Variants in BRD4 observed in about 807,000 individuals in gnomAD.
BRD4 encodes the protein bromodomain-containing protein 4.
In BRD4, 16 loss-of-function variants were observed where a neutral mutation model predicts 142.1. That is an observed-to-expected ratio of 0.11 (90% CI 0.08 to 0.17). The LOEUF is 0.17. BRD4 is among the 10% of genes least tolerant of loss of function. The pLI, the probability that BRD4 is intolerant of heterozygous loss-of-function variation, is 1.00. For synonymous variants in BRD4, 833 were observed against 707.5 expected, an observed-to-expected ratio of 1.18 and a Z score of -2.82; for missense variants, 1,424 against 1,810.9, an observed-to-expected ratio of 0.79 and a Z score of 3.88.
At chr19:15,258,520 C>A (rs2047436573) in intron 7 of BRD4, among the ~76,000 whole-genome samples, 1 of 151,868 alleles carries the variant, frequency 6.6e-6, no homozygotes, top group Admixed American at 6.6e-5. Flanking sequence ...CTGACCTCAA[C>A]AGATCCACTT....
chr19:15,326,987 A>C (rs2048113657), intron 1 of BRD4, among the ~76,000 whole-genome samples: 1 of 152,222 alleles, frequency 6.6e-6, no homozygotes, highest in South Asian at 2.1e-4. Flanking sequence ...TTCTGTAACC[A>C]TGCACAATGT....
At position 15,239,026 on chromosome 19, in the gene BRD4, G is replaced by C. The variant is rs746206112; in HGVS notation, c.3782+33C>G. 1 of 1,579,148 alleles carries C rather than the reference G, an allele frequency of 6.3e-7. No homozygotes were observed. Among genetic ancestry groups the C allele is most frequent in the Non-Finnish European group, 8.6e-7 (1 of 1,166,004 alleles). On this transcript the variant is annotated intron_variant, in intron 18 of 19. Transcript: ENST00000679869. This position sits in a 1 kb window ranked among gnomAD's most constrained non-coding sequence, Gnocchi z 7.4. The stretch of plus-strand genomic sequence containing the variant: ...AGCCTGGGGACTGGTGTGGCCCCAA[G>C]AGTCCCCATGCCCCACCCAGACACC...
In BRD4 at chr19:15,236,973, C is replaced by G. The variant is rs2047196555; in HGVS notation, c.*1404G>C. 1.0e-5 allele frequency: 2 copies of G among 199,790 alleles called. No individual in the cohort carries two copies. The highest frequency in any genetic ancestry group is 2.0e-5 in the Non-Finnish European group (2 of 98,882). The allele number at this position is 199,790 out of a possible 1,614,324, so 12.4% of individuals were successfully genotyped here. On this transcript the variant is annotated 3_prime_UTR_variant, in exon 20 of 20. Coordinates refer to ENST00000679869, the MANE Select transcript of BRD4 (RefSeq NM_001379291.1). ...CCAGCGTCGTGGTGTAGAGTGGGTT[C>G]TCATGGCACGCGTAACCTCACCAGG... is the stretch of plus-strand genomic sequence containing the variant.
In BRD4 at chr19:15,235,588, G is replaced by A. The variant is rs1025213811; in HGVS notation, c.*2789C>T. ...GCACAAAAAAAAAAAAAAACCTTTC[G>A]TATGTAAGTGAAAAGTCTACGAATT... On this transcript the variant is annotated 3_prime_UTR_variant, in exon 20 of 20. Coordinates refer to ENST00000679869, the MANE Select transcript of BRD4 (RefSeq NM_001379291.1). 6.6e-5 allele frequency: 10 copies of A among 150,570 alleles called. No individual in the cohort carries two copies. Among genetic ancestry groups the A allele is most frequent in the South Asian group, 2.1e-4 (1 of 4,778 alleles). 9.3% of individuals were successfully genotyped at this position (150,570 alleles called of 1,614,324 possible).
In BRD4 at chr19:15,255,547, A is replaced by G; in HGVS notation, c.1797T>C (p.Tyr599=). The G allele has an allele frequency of 6.2e-7, 1 of 1,611,532 alleles. No individual in the cohort carries two copies. The change falls in exon 10 of 20, where the codon TAT becomes TAC. Residue 599 remains tyrosine (Y), a synonymous_variant. Transcript: ENST00000679869. ...APMKSKPPPT[Y]ESEEEDKCKP... is the part of the protein sequence containing the mutation. Reference sequence around the variant, plus strand: ...TGCACTTGTCCTCTTCCTCCGACTCATACGTGGGAGGGGGCTTGCTCTTCA... The same window carrying G: ...TGCACTTGTCCTCTTCCTCCGACTCGTACGTGGGAGGGGGCTTGCTCTTCA...
intron 4 of BRD4, among the ~76,000 whole-genome samples, chr19:15,266,294 TCAC>T (rs1374174673): frequency 2.0e-5 from 3 of 152,168 alleles, no homozygotes; most frequent in East Asian, 3.9e-4. Flanking sequence ...ATAACCTGGG[TCAC>T]CACATCCTTC....
intron 1 of BRD4, among the ~76,000 whole-genome samples, chr19:15,280,770 G>A (rs1005765397): frequency 2.0e-5 from 3 of 152,122 alleles, no homozygotes; most frequent in Admixed American, 1.3e-4. Context: ...CCTCTCCACC[G>A]CTCCAAGGCT....
In BRD4 at chr19:15,239,569, G is replaced by T. The variant is rs776104741; in HGVS notation, c.3446-47C>A. On this transcript the variant is annotated intron_variant, in intron 16 of 19. Transcript: ENST00000679869. This position sits in a 1 kb window ranked among gnomAD's most constrained non-coding sequence, Gnocchi z 7.4. The stretch of plus-strand genomic sequence containing the variant: ...GGCCCTGGCCCACCTCACCCCAGTG[G>T]GGCATGGTCCACCAGCCCCACAGCA... 1.3e-6 allele frequency: 2 copies of T among 1,575,414 alleles called. No individual in the cohort carries two copies. Among genetic ancestry groups the T allele is most frequent in the Non-Finnish European group, 1.7e-6 (2 of 1,165,310 alleles).
chr19:15,257,379 C>T (rs2047423165), intron 7 of BRD4: 3 of 583,264 alleles, frequency 5.1e-6, no homozygotes, highest in Non-Finnish European at 9.1e-6. Context: ...TCTCTCAAAT[C>T]TCACTTTGAA....
At chr19:15,269,101 G>A in intron 2 of BRD4, 59 bp from the exon 3 acceptor site, 1 of 1,596,602 alleles carries the variant, frequency 6.3e-7, no homozygotes, top group Non-Finnish European at 8.5e-7. Flanking sequence ...CACAAACGCT[G>A]GGCTGGCCAG....
rs1254011621 is a variant in BRD4 at position 15,237,796 on chromosome 19, CAG to C, written c.*579_*580del. The C allele has an allele frequency of 6.0e-5, 14 of 233,138 alleles. No homozygotes were observed. Among genetic ancestry groups the C allele is most frequent in the Non-Finnish European group, 4.2e-5 (5 of 118,344 alleles). 14.4% of individuals were successfully genotyped at this position (233,138 alleles called of 1,614,324 possible). On this transcript the variant is annotated 3_prime_UTR_variant, in exon 20 of 20. Coordinates refer to ENST00000679869, the MANE Select transcript of BRD4 (RefSeq NM_001379291.1). The stretch of plus-strand genomic sequence containing the variant: ...TCCCTTTTGCACAAGCAAACACTTA[CAG>C]AGAGCGGCTCTCAATTAAAGGCTTG...
chr19:15,237,568 TGGA>T lies in BRD4; in HGVS notation c.*806_*808del, dbSNP rs1269533005. 17 of 223,952 alleles carry T rather than the reference TGGA, an allele frequency of 7.6e-5. No individual in the cohort carries two copies. Among genetic ancestry groups the T allele is most frequent in the East Asian group, 3.2e-4 (5 of 15,768 alleles). 13.9% of individuals were successfully genotyped at this position (223,952 alleles called of 1,614,324 possible). A position where few individuals can be genotyped will look rare whatever the true frequency, so the allele number is the denominator to read the frequency against. On this transcript the variant is annotated 3_prime_UTR_variant, in exon 20 of 20. Transcript: ENST00000679869. ...CGGAGATAAGCAGTGCCATTGTGTC[TGGA>T]GGAGAAGAGAGAATTAAAAATAAAA...
chr19:15,262,549 A>G (rs919057560), intron 7 of BRD4, among the ~76,000 whole-genome samples: 16 of 150,762 alleles, frequency 1.1e-4, no homozygotes, highest in African/African-American at 3.9e-4. Context: ...AAAAGAAAAA[A>G]AAAAAGAAAA....
At position 15,304,258 on chromosome 19, in the gene BRD4, C is replaced by T. The variant is rs1390224978; in HGVS notation, c.-35+28032G>A. Among the ~76,000 whole-genome samples the T allele has an allele frequency of 1.3e-5, 2 of 152,202 alleles. 1 individual carries two copies. The highest frequency in any genetic ancestry group is 4.1e-4 in the South Asian group (2 of 4,828). On this transcript the variant is annotated intron_variant, in intron 1 of 19. Coordinates refer to ENST00000679869, the MANE Select transcript of BRD4 (RefSeq NM_001379291.1). ...CTGTTTGTTTGCCCACAGGAACACA[C>T]AGTGTGTGCTGGCAATAACTAAACA...
At position 15,265,641 on chromosome 19, in the gene BRD4, T is replaced by C. The variant is rs540188934; in HGVS notation, c.562A>G (p.Thr188Ala). The change falls in exon 5 of 20, where the codon ACA becomes GCA. Residue 188 changes from threonine (T) to alanine (A), a missense_variant and splice_region_variant. By Grantham distance (58) the Thr-to-Ala change is moderately conservative (BLOSUM62 0). This residue lies in a region of BRD4 where 140 missense variants were observed against 131.7 expected (regional missense o/e 1.06). Coordinates refer to ENST00000679869, the MANE Select transcript of BRD4 (RefSeq NM_001379291.1). ...GRGRGRKETG[T>A]AKPGVSTVPN... Reference sequence around the variant, plus strand: ...ACCGTGGAAACGCCAGGTTTTGCTGTCCCTACAAATCATAATAAGACGGCG... The same window carrying C: ...ACCGTGGAAACGCCAGGTTTTGCTGCCCCTACAAATCATAATAAGACGGCG... The C allele has an allele frequency of 5.6e-6, 9 of 1,613,998 alleles. No homozygotes were observed. In the African/African-American group the frequency reaches 1.2e-4, roughly 22 times the overall value.
chr19:15,282,005 G>T (rs963041944), intron 1 of BRD4, among the ~76,000 whole-genome samples: 6 of 151,694 alleles, frequency 4.0e-5, no homozygotes, highest in African/African-American at 1.5e-4. Context: ...GCAACAGAGC[G>T]AGACTCCATC....
At chr19:15,269,306 T>C (rs902569613) in intron 2 of BRD4, among the ~76,000 whole-genome samples, 23 of 152,258 alleles carry the variant, frequency 1.5e-4, no homozygotes, top group African/African-American at 5.5e-4. Context: ...ATAGGCTGCC[T>C]TCATTGAAAT....
At chr19:15,262,417 A>G (rs2047481384) in intron 7 of BRD4, among the ~76,000 whole-genome samples, 2 of 152,022 alleles carry the variant, frequency 1.3e-5, no homozygotes, top group South Asian at 4.2e-4. Flanking sequence ...GAATTTAAAA[A>G]AGAAGATGAG....
At chr19:15,328,565 A>C (rs934887328) in intron 1 of BRD4, among the ~76,000 whole-genome samples, 1 of 152,218 alleles carries the variant, frequency 6.6e-6, no homozygotes, top group Non-Finnish European at 1.5e-5. Flanking sequence ...CTTGTAAGTC[A>C]CTACCGAACA....
Sources: gnomAD v4.1 joint callset for allele counts (sites outside exome capture counted in the v4.1 genomes callset) on GRCh38, gnomAD v4.1.1 for gene constraint, gnomAD v4.1.1 regional missense constraint, Gnocchi (gnomAD v3.1) non-coding constraint, MANE v1.5 for transcripts, NCBI Gene and HGNC (gene_info 2026-07-23, HGNC 2026-07-21) for gene names.